Variants in EIF4G3 observed in about 807,000 individuals in gnomAD.
The protein encoded by EIF4G3 is eukaryotic translation initiation factor 4 gamma 3.
EIF4G3 carries 34 observed loss-of-function variants against 186.4 expected under a neutral mutation model. The observed-to-expected ratio is 0.18, with a 90% CI of 0.14 to 0.24. The LOEUF (loss-of-function observed/expected upper bound fraction) is 0.24. Ranked by LOEUF, EIF4G3 falls within the 10% of genes least tolerant of loss-of-function variation. The pLI is 1.00. For missense variants in EIF4G3, 1,536 were observed against 1,948.5 expected (o/e 0.79, Z 3.99); for synonymous variants, 673 against 679.5 (o/e 0.99, Z 0.15).
chr1:20,886,878 T>C (rs1034527640), intron 18 of EIF4G3, among the ~76,000 whole-genome samples: 2 of 152,250 alleles, frequency 1.3e-5, no homozygotes, highest in South Asian at 4.1e-4. Context: ...ATATCATCAA[T>C]GAGAGTCAAA....
chr1:20,880,640 A>C (rs763342235), intron 19 of EIF4G3, among the ~76,000 whole-genome samples: 41 of 152,128 alleles, frequency 2.7e-4, no homozygotes, highest in Non-Finnish European at 5.4e-4. Context: ...AATCCCAGCT[A>C]CTCGGGAGGC....
intron 11 of EIF4G3, among the ~76,000 whole-genome samples, chr1:20,970,008 G>C (rs1468675383): frequency 6.6e-6 from 1 of 151,656 alleles, no homozygotes; most frequent in Non-Finnish European, 1.5e-5. Context: ...CTATCACCCA[G>C]GCTGGAGTGC....
At position 20,997,592 on chromosome 1, in the gene EIF4G3, G is replaced by A. The variant is rs2082563980; in HGVS notation, c.177+9C>T. The stretch of plus-strand genomic sequence containing the variant: ...TAAGGGTGATAGTGAAGGGGCAAGG[G>A]TACAGTACCTGATGATGGGGAGGTC... On this transcript the variant is annotated intron_variant, in intron 7 of 36. Transcript: ENST00000602326. The A allele has an allele frequency of 6.5e-7, 1 of 1,549,942 alleles. No homozygotes were observed.
At chr1:21,025,340 T>C (rs989867650) in intron 4 of EIF4G3, among the ~76,000 whole-genome samples, 1 of 152,034 alleles carries the variant, frequency 6.6e-6, no homozygotes, top group African/African-American at 2.4e-5. Context: ...ATTACAACAA[T>C]ATGAACTCTT....
intron 33 of EIF4G3, among the ~76,000 whole-genome samples, chr1:20,820,748 G>A (rs1389931332): frequency 6.6e-6 from 1 of 152,114 alleles, no homozygotes; most frequent in African/African-American, 2.4e-5. Flanking sequence ...GTAGAGAGAC[G>A]ATTGGAGGAC....
intron 14 of EIF4G3, among the ~76,000 whole-genome samples, chr1:20,919,042 T>C (rs979385790): frequency 2.0e-5 from 3 of 152,214 alleles, no homozygotes; most frequent in African/African-American, 7.2e-5. Context: ...TTTTTTGTTT[T>C]TGGTTATTTG....
intron 3 of EIF4G3, among the ~76,000 whole-genome samples, chr1:21,079,295 T>G (rs1173687039): frequency 6.6e-6 from 1 of 152,054 alleles, no homozygotes. Flanking sequence ...GCAAAAGAAA[T>G]AAAAGCATGG....
At chr1:21,060,782 G>GAAAA (rs34598369) in intron 3 of EIF4G3, among the ~76,000 whole-genome samples, 260 of 117,302 alleles carry the variant, frequency 2.2e-3, no homozygotes, top group East Asian at 8.8e-3. Context: ...TGTCTCTTAA[G>GAAAA]AAAAAAAAAA....
intron 13 of EIF4G3, among the ~76,000 whole-genome samples, chr1:20,944,419 A>G (rs2095854861): frequency 6.6e-6 from 1 of 151,724 alleles, no homozygotes; most frequent in Non-Finnish European, 1.5e-5. Context: ...GGAGGCCAAG[A>G]TGGAAGGATC....
chr1:20,988,076 A>C (rs1266599855), intron 7 of EIF4G3, among the ~76,000 whole-genome samples: 1 of 152,244 alleles, frequency 6.6e-6, no homozygotes, highest in African/African-American at 2.4e-5. Flanking sequence ...AATCCAAAGC[A>C]AAGTCCTAAC....
intron 12 of EIF4G3, among the ~76,000 whole-genome samples, chr1:20,958,450 G>A (rs906866079): frequency 6.6e-6 from 1 of 152,072 alleles, no homozygotes; most frequent in Non-Finnish European, 1.5e-5. Flanking sequence ...CATACTGAAT[G>A]GGAAAAAGTT....
chr1:21,011,213 AAAAAAAAAAGGAAAG>A (rs2086966609), intron 4 of EIF4G3, among the ~76,000 whole-genome samples: 1 of 151,882 alleles, frequency 6.6e-6, no homozygotes, highest in African/African-American at 2.4e-5. Flanking sequence ...TTTTTTTAAA[AAAAAAAAAAGGAAAG>A]AAAAAAAAAA....
chr1:20,978,673 A>G lies in EIF4G3; in HGVS notation c.493+1661T>C, dbSNP rs567611020. ...TTAGTCACTTAGTAGCCCTTTTATC[A>G]GATCAAAAAAAAAAAAAAAAAAACC... is the stretch of plus-strand genomic sequence containing the variant. On this transcript the variant is annotated intron_variant, in intron 10 of 36. Coordinates refer to ENST00000602326, the MANE Select transcript of EIF4G3 (RefSeq NM_001391906.1). Among the ~76,000 whole-genome samples the G allele has an allele frequency of 9.8e-5, 12 of 122,666 alleles. No individual in the cohort carries two copies. In the East Asian group the frequency reaches 1.5e-3, roughly 15 times the overall value. The allele number at this position is 122,666 out of a possible 152,430, so 80.5% of individuals were successfully genotyped here. A position where few individuals can be genotyped will look rare whatever the true frequency, so the allele number is the denominator to read the frequency against.
intron 33 of EIF4G3, among the ~76,000 whole-genome samples, chr1:20,823,948 A>G (rs1173102702): frequency 6.6e-6 from 1 of 152,236 alleles, no homozygotes; most frequent in Non-Finnish European, 1.5e-5. Flanking sequence ...ATGTTTCTCC[A>G]AAGAGCATTT....
chr1:20,868,901 C>T (rs557349869), intron 20 of EIF4G3, among the ~76,000 whole-genome samples: 5 of 152,294 alleles, frequency 3.3e-5, no homozygotes, highest in African/African-American at 1.2e-4. Flanking sequence ...GGTCACTCAG[C>T]AATCTTAGAT....
chr1:21,099,348 A>G lies in EIF4G3; in HGVS notation c.-271-10135T>C, dbSNP rs2096464039. On this transcript the variant is annotated intron_variant, in intron 2 of 36. Coordinates refer to ENST00000602326, the MANE Select transcript of EIF4G3 (RefSeq NM_001391906.1). Reference sequence around the variant, plus strand: ...CAGCAGTTTCATTCATAATGGCCAAAAACACTAGAAATGAGTCAAATATCT... The same window carrying G: ...CAGCAGTTTCATTCATAATGGCCAAGAACACTAGAAATGAGTCAAATATCT... 2.6e-5 allele frequency among the ~76,000 whole-genome samples: 4 copies of G among 152,338 alleles called. No homozygotes were observed. The South Asian group carries it at 8.3e-4, about 32-fold the overall frequency.
intron 34 of EIF4G3, 46 bp from the exon 35 acceptor site, chr1:20,813,285 C>G (rs745475025): frequency 1.4e-6 from 2 of 1,445,304 alleles, no homozygotes; most frequent in Non-Finnish European, 1.9e-6. Flanking sequence ...CTTGCTCAGC[C>G]AGGCACAGAG....
chr1:20,915,596 T>C (rs775958070), intron 14 of EIF4G3, among the ~76,000 whole-genome samples: 4 of 152,076 alleles, frequency 2.6e-5, no homozygotes, highest in Non-Finnish European at 4.4e-5. Flanking sequence ...TATTTTCAAA[T>C]AAGCAGTTAA....
intron 25 of EIF4G3, 109 bp downstream of exon 25, chr1:20,857,294 A>C (rs981506374): frequency 1.1e-6 from 1 of 891,096 alleles, no homozygotes; most frequent in Non-Finnish European, 1.8e-6. Context: ...TTTAATAAGT[A>C]CTTTTGAGAC....
Sources: gnomAD v4.1 joint callset for allele counts (sites outside exome capture counted in the v4.1 genomes callset) on GRCh38, gnomAD v4.1.1 for gene constraint, MANE v1.5 for transcripts, NCBI Gene and HGNC (gene_info 2026-07-23, HGNC 2026-07-21) for gene names.